Variants in MUC5AC observed in about 807,000 individuals in gnomAD.
MUC5AC encodes mucin 5AC, oligomeric mucus/gel-forming.
A neutral mutation model predicts 169.7 loss-of-function variants in MUC5AC; 158 were observed. The ratio of observed to expected loss-of-function variants is 0.93; its 90% CI spans 0.82 to 1.06. The LOEUF (loss-of-function observed/expected upper bound fraction) is 1.06, where lower values mean the gene tolerates loss of function less well. Ranked by LOEUF, MUC5AC falls within the 50% of genes least tolerant of loss-of-function variation. The pLI is 0.00. For missense variants in MUC5AC, 4,359 were observed against 3,089.9 expected (o/e 1.41, Z -9.74); for synonymous variants, 1,975 against 1,237.0 (o/e 1.60, Z -12.52).
At chr11:1,174,252 T>TC (rs1207857986) in intron 16 of MUC5AC, among the ~76,000 whole-genome samples, 3 of 152,222 alleles carry the variant, frequency 2.0e-5, no homozygotes, top group African/African-American at 7.2e-5. Flanking sequence ...ACCTGTTGGG[T>TC]CACAGAGATG....
At chr11:1,193,930 G>T (rs1356369558) in intron 33 of MUC5AC, among the ~76,000 whole-genome samples, 180 bp from the exon 34 acceptor site, 2 of 152,242 alleles carry the variant, frequency 1.3e-5, no homozygotes, top group African/African-American at 4.8e-5. Context: ...TCAAGCGCCC[G>T]CTGGATGGAG....
At position 1,200,620 on chromosome 11, in the gene MUC5AC, C is replaced by T. The variant is rs564207140; in HGVS notation, c.16883C>T (p.Ser5628Leu). Residue 5628 changes from serine (S) to leucine (L), a missense_variant, in exon 49 of 49, where the codon TCG (serine) becomes TTG (leucine). Transcript: ENST00000621226. ...RCPAPGDTQH[S>L]EEAEPEPSQE... The stretch of plus-strand genomic sequence containing the variant: ...CCTGCGCCGGGCGACACCCAGCACT[C>T]GGAGGAGGCGGAACCCGAGCCCAGC... 29 of 764,212 alleles carry T rather than the reference C, an allele frequency of 3.8e-5. No individual in the cohort carries two copies. The highest frequency in any genetic ancestry group is 2.5e-4 in the South Asian group (19 of 74,540). 47.3% of individuals were successfully genotyped at this position (764,212 alleles called of 1,614,324 possible).
chr11:1,195,630 G>A (rs1212920999), intron 36 of MUC5AC, among the ~76,000 whole-genome samples: 3 of 138,394 alleles, frequency 2.2e-5, no homozygotes, highest in African/African-American at 5.9e-5. Context: ...GGCAGGGGCT[G>A]GGGGGGCCAG....
In MUC5AC at chr11:1,199,680, CCT is replaced by C; in HGVS notation, c.16516-12_16516-11del. 2 of 705,678 alleles carry C rather than the reference CCT, an allele frequency of 2.8e-6. No individual in the cohort carries two copies. Among genetic ancestry groups the C allele is most frequent in the South Asian group, 1.5e-5 (1 of 67,814 alleles). 43.7% of individuals were successfully genotyped at this position (705,678 alleles called of 1,614,324 possible). ...CGAGCGCCTCGGCACTGAGGGCGCCCCTCTGTCGGCACAGGACGAGGCCCGCA... is the reference window on the plus strand; with the variant it reads ...CGAGCGCCTCGGCACTGAGGGCGCCCCTGTCGGCACAGGACGAGGCCCGCA... On this transcript the variant is annotated splice_polypyrimidine_tract_variant and intron_variant, in intron 46 of 48. Transcript: ENST00000621226.
Position 1,179,267 on chromosome 11 carries a change from C to A in MUC5AC, c.3484+19C>A. 1.9e-6 allele frequency: 1 copy of A among 536,956 alleles called. No individual in the cohort carries two copies. Among genetic ancestry groups the A allele is most frequent in the South Asian group, 2.5e-5 (1 of 40,230 alleles). The allele number at this position is 536,956 out of a possible 1,614,324, so 33.3% of individuals were successfully genotyped here. On this transcript the variant is annotated intron_variant, in intron 26 of 48. Coordinates refer to ENST00000621226, the MANE Select transcript of MUC5AC (RefSeq NM_001304359.2). ...ATCTGCCGTGAGTGCGAGTGGGCAC[C>A]TGGGGAAGAACAGGAAGCGCCGGCA...
chr11:1,179,936 G>A (rs965203110), intron 26 of MUC5AC, 86 bp from the exon 27 acceptor site: 13 of 397,926 alleles, frequency 3.3e-5, no homozygotes, highest in South Asian at 1.3e-4. Context: ...GCAGGGGAGG[G>A]AAGCGGCTTT....
At chr11:1,192,598 GTGA>G (rs1220369755) in intron 31 of MUC5AC, 73 bp downstream of exon 31, 1 of 732,234 alleles carries the variant, frequency 1.4e-6, no homozygotes, top group East Asian at 2.4e-5. Flanking sequence ...ACGCCAAGCT[GTGA>G]TGATGATAGG....
In MUC5AC at chr11:1,175,707, T is replaced by C. The variant is rs1486953232; in HGVS notation, c.2401+437T>C. On this transcript the variant is annotated intron_variant, in intron 19 of 48. Coordinates refer to ENST00000621226, the MANE Select transcript of MUC5AC (RefSeq NM_001304359.2). ...ATGCACACACACCCATTCATACTCA[T>C]GCACACGCTCACACACCCACTCATG... 1.2e-4 allele frequency among the ~76,000 whole-genome samples: 14 copies of C among 117,056 alleles called. No individual in the cohort carries two copies. The South Asian group carries it at 3.6e-3, about 30-fold the overall frequency. The allele number at this position is 117,056 out of a possible 152,430, so 76.8% of individuals were successfully genotyped here. A position where few individuals can be genotyped will look rare whatever the true frequency, so the allele number is the denominator to read the frequency against.
chr11:1,189,127 C>T lies in MUC5AC; in HGVS notation c.10982C>T (p.Thr3661Ile). ...AAATCCAGGACAACCACTTTGGTGA[C>T]AAGCAGCATAACCTCCACTACACAG... ...WQKSRTTTLVTSSITSTTQTS... is the reference protein window; with the variant it reads ...WQKSRTTTLVISSITSTTQTS... The change falls in exon 31 of 49, where the codon ACA becomes ATA. Residue 3661 changes from threonine (T) to isoleucine (I), a missense_variant. By Grantham distance (89) the Thr-to-Ile change is moderately conservative (BLOSUM62 -1). Transcript: ENST00000621226. 1 of 602,182 alleles carries T rather than the reference C, an allele frequency of 1.7e-6. No individual in the cohort carries two copies. The highest frequency in any genetic ancestry group is 2.7e-5 in the East Asian group (1 of 36,636). 37.3% of individuals were successfully genotyped at this position (602,182 alleles called of 1,614,324 possible).
At chr11:1,160,982 C>G (rs1357109304) in intron 2 of MUC5AC, among the ~76,000 whole-genome samples, 2 of 152,222 alleles carry the variant, frequency 1.3e-5, no homozygotes, top group African/African-American at 4.8e-5. Flanking sequence ...GGATCTGGAG[C>G]TGGGTCCTGC....
In MUC5AC at chr11:1,183,802, C is replaced by G. The variant is rs1860864865; in HGVS notation, c.5657C>G (p.Pro1886Arg). The G allele has an allele frequency of 2.3e-6, 1 of 430,674 alleles. No homozygotes were observed. The highest frequency in any genetic ancestry group is 4.0e-6 in the Non-Finnish European group (1 of 247,438). The allele number at this position is 430,674 out of a possible 1,614,324, so 26.7% of individuals were successfully genotyped here. Residue 1886 changes from proline to arginine, a missense_variant, in exon 31 of 49, where the codon CCT (proline) becomes CGT (arginine). By Grantham distance (103) the Pro-to-Arg change is moderately radical. Transcript: ENST00000621226. ...GGCTCCTCAGCCCCCAGCAGCACAC[C>G]TGGCACCGTGTCTCTCTCTACAGCC... Reference protein sequence around the residue: ...ASGSSAPSSTPGTVSLSTART... With the variant: ...ASGSSAPSSTRGTVSLSTART...
chr11:1,177,423 TG>T, intron 23 of MUC5AC, 30 bp from the exon 24 acceptor site: 1 of 400,948 alleles, frequency 2.5e-6, no homozygotes, highest in East Asian at 3.5e-5. Flanking sequence ...GGGTTCTTGC[TG>T]GGGGCCCTGA....
Position 1,184,616 on chromosome 11 carries a change from TGAG to T in MUC5AC, c.6475_6477del (p.Glu2159del). 6 of 628,630 alleles carry T rather than the reference TGAG, an allele frequency of 9.5e-6. No individual in the cohort carries two copies. The highest frequency in any genetic ancestry group is 5.5e-5 in the South Asian group (3 of 54,294). 38.9% of individuals were successfully genotyped at this position (628,630 alleles called of 1,614,324 possible). A position where few individuals can be genotyped will look rare whatever the true frequency, so the allele number is the denominator to read the frequency against. On this transcript the variant is annotated inframe_deletion, in exon 31 of 49. Transcript: ENST00000621226. The stretch of plus-strand genomic sequence containing the variant: ...GTGGGGAAAAAATCTGCCGCCGACC[TGAG>T]GAGATCACCAGGCTCCAGTGCCGAG...
Position 1,165,662 on chromosome 11 carries a change from T to G in MUC5AC, c.1288T>G (p.Cys430Gly), listed in dbSNP as rs1860301486. The G allele has an allele frequency of 8.1e-6, 13 of 1,612,350 alleles. No individual in the cohort carries two copies. Among genetic ancestry groups the G allele is most frequent in the Non-Finnish European group, 1.1e-5 (13 of 1,179,768 alleles). The change falls in exon 11 of 49, where the codon TGC becomes GGC. Residue 430 changes from cysteine to glycine, a missense_variant. Coordinates refer to ENST00000621226, the MANE Select transcript of MUC5AC (RefSeq NM_001304359.2). ...CCGGTGGAGCTGCCAGGAGGTTCCA[T>G]GCCCGGGTACCTGCTCTGTGCTTGG... is the stretch of plus-strand genomic sequence containing the variant. The part of the protein sequence containing the change: ...GGRWSCQEVP[C>G]PGTCSVLGGA...
In MUC5AC at chr11:1,194,308, A is replaced by G. The variant is rs1418842987; in HGVS notation, c.14954A>G (p.Gln4985Arg). ...AGGTCCATCATCCTGGAGTACCACC[A>G]GGACCGCGTGGTGCTGACCCGCAAG... ...CPRSIILEYH[Q>R]DRVVLTRKPV... Residue 4985 changes from glutamine to arginine, a missense_variant, in exon 34 of 49, where the codon CAG becomes CGG. Physicochemically the swap from Gln to Arg is conservative, Grantham distance 43. Transcript: ENST00000621226. 8 of 746,758 alleles carry G rather than the reference A, an allele frequency of 1.1e-5. No homozygotes were observed. The highest frequency in any genetic ancestry group is 1.7e-5 in the African/African-American group (1 of 58,596). The allele number at this position is 746,758 out of a possible 1,614,324, so 46.3% of individuals were successfully genotyped here.
At position 1,168,696 on chromosome 11, in the gene MUC5AC, T is replaced by A. The variant is rs1305694625; in HGVS notation, c.1622T>A (p.Leu541Gln). 1.2e-5 allele frequency: 20 copies of A among 1,610,894 alleles called. No individual in the cohort carries two copies. The highest frequency in any genetic ancestry group is 1.6e-5 in the Non-Finnish European group (19 of 1,178,442). ...TTCTTCATCATCGCCCAGACCAGCC[T>A]GGGCCTGCAGCTGAACCTGCAGCTG... is the stretch of plus-strand genomic sequence containing the variant. ...STFFIIAQTS[L>Q]GLQLNLQLVP... The change falls in exon 14 of 49, where the codon CTG becomes CAG. Residue 541 changes from leucine to glutamine, a missense_variant. Leu to Gln is a moderately radical substitution (Grantham distance 113). Transcript: ENST00000621226.
chr11:1,158,144 T>G, intron 1 of MUC5AC, 72 bp downstream of exon 1: 1 of 1,395,132 alleles, frequency 7.2e-7, no homozygotes, highest in African/African-American at 1.4e-5. Context: ...GGCAGCTCAG[T>G]CTTTGCCCTG....
intron 31 of MUC5AC, 100 bp downstream of exon 31, chr11:1,192,625 T>G: frequency 1.4e-6 from 1 of 706,730 alleles, no homozygotes; most frequent in East Asian, 2.5e-5. Context: ...CTCTGCTCTT[T>G]GTGGCACAGG....
intron 19 of MUC5AC, among the ~76,000 whole-genome samples, chr11:1,175,622 C>T (rs1211903380): frequency 2.7e-5 from 4 of 149,684 alleles, no homozygotes; most frequent in African/African-American, 9.9e-5. Flanking sequence ...TGCACACGCA[C>T]TCACACCCAC....
Sources: gnomAD v4.1 joint callset for allele counts (sites outside exome capture counted in the v4.1 genomes callset) on GRCh38, gnomAD v4.1.1 for gene constraint, MANE v1.5 for transcripts, NCBI Gene and HGNC (gene_info 2026-07-23, HGNC 2026-07-21) for gene names.